MED12L: variants seen among roughly 807,000 people sequenced by gnomAD.
The protein encoded by MED12L is mediator complex subunit 12L, also known as mediator of RNA polymerase II transcription subunit 12-like protein.
MED12L carries 60 observed loss-of-function variants against 281.3 expected under a neutral mutation model. The ratio of observed to expected loss-of-function variants is 0.21; its 90% CI spans 0.17 to 0.26. The LOEUF is 0.26. MED12L is among the 10% of genes least tolerant of loss of function. The pLI, the probability that MED12L is intolerant of heterozygous loss-of-function variation, is 1.00. For synonymous variants in MED12L, 974 were observed against 987.2 expected, an observed-to-expected ratio of 0.99 and a Z score of 0.25; for missense variants, 2,146 against 2,680.9, an observed-to-expected ratio of 0.80 and a Z score of 4.41.
intron 16 of MED12L, among the ~76,000 whole-genome samples, chr3:151,194,004 T>C (rs1352924918): frequency 1.3e-5 from 2 of 150,662 alleles, no homozygotes; most frequent in Non-Finnish European, 1.5e-5. Context: ...TCATTCCTGT[T>C]GCCCAGGCTG....
chr3:151,380,433 C>T (rs1712060154), intron 32 of MED12L, among the ~76,000 whole-genome samples: 1 of 151,992 alleles, frequency 6.6e-6, no homozygotes, highest in Non-Finnish European at 1.5e-5. Context: ...CCCGTCTGTA[C>T]TAAAAATACA....
intron 5 of MED12L, among the ~76,000 whole-genome samples, 191 bp downstream of exon 5, chr3:151,128,175 G>A (rs577714957): frequency 6.6e-6 from 1 of 152,172 alleles, no homozygotes; most frequent in Admixed American, 6.6e-5. Flanking sequence ...CATTAGCAAG[G>A]GCTGTTGATC....
intron 8 of MED12L, among the ~76,000 whole-genome samples, chr3:151,160,311 T>C (rs550216709): frequency 6.6e-6 from 1 of 152,224 alleles, no homozygotes; most frequent in East Asian, 1.9e-4. Flanking sequence ...GAGAGTGTTA[T>C]TGCAGTTGTC....
intron 16 of MED12L, among the ~76,000 whole-genome samples, chr3:151,273,227 C>CTTTTTTTTT (rs63035061): frequency 1.9e-5 from 2 of 106,164 alleles, no homozygotes; most frequent in East Asian, 2.7e-4. Flanking sequence ...TTGTTGTGTT[C>CTTTTTTTTT]TTTTTTTTTT....
intron 36 of MED12L, among the ~76,000 whole-genome samples, chr3:151,386,387 CTTTG>C (rs559647455): frequency 2.2e-4 from 34 of 152,026 alleles, no homozygotes; most frequent in African/African-American, 7.2e-4. Context: ...TTTTGTTTTA[CTTTG>C]TTTATTTATA....
intron 17 of MED12L, 113 bp from the exon 18 acceptor site, chr3:151,355,008 A>G: frequency 1.3e-6 from 1 of 750,648 alleles, no homozygotes. Flanking sequence ...TGAAATTCAT[A>G]GAATTTGTGC....
chr3:151,095,524 G>A (rs1043423445), intron 2 of MED12L, among the ~76,000 whole-genome samples: 2 of 152,206 alleles, frequency 1.3e-5, no homozygotes, highest in East Asian at 1.9e-4. Context: ...TTTTAGTCGA[G>A]ATGGACTTTC....
At chr3:151,301,266 A>G (rs1269775843) in intron 16 of MED12L, among the ~76,000 whole-genome samples, 2 of 152,332 alleles carry the variant, frequency 1.3e-5, no homozygotes, top group African/African-American at 4.8e-5. Context: ...TAGACTTTAT[A>G]ATAATGATCT....
intron 43 of MED12L, among the ~76,000 whole-genome samples, chr3:151,419,319 C>T (rs926889660): frequency 1.3e-5 from 2 of 152,178 alleles, no homozygotes; most frequent in East Asian, 3.8e-4. Flanking sequence ...GGCTGAGGAG[C>T]AAGGAGAGCC....
chr3:151,165,009 A>G (rs1720513067), intron 9 of MED12L, among the ~76,000 whole-genome samples: 2 of 140,716 alleles, frequency 1.4e-5, no homozygotes, highest in Non-Finnish European at 3.1e-5. Flanking sequence ...TAATAAAAAT[A>G]AAATAAAATC....
At position 151,433,226 on chromosome 3, in the gene MED12L, T is replaced by C. The variant is rs1719733239; in HGVS notation, c.*422T>C. The C allele has an allele frequency of 6.5e-6, 1 of 154,938 alleles. No homozygotes were observed. The highest frequency in any genetic ancestry group is 2.0e-4 in the South Asian group (1 of 5,012). The allele number at this position is 154,938 out of a possible 1,614,324, so 9.6% of individuals were successfully genotyped here. Reference sequence around the variant, plus strand: ...TCCAAACTGTGCTGGACCAAACTACTGATTTGAAAGGCATGTCAGATCTTG... The same window carrying C: ...TCCAAACTGTGCTGGACCAAACTACCGATTTGAAAGGCATGTCAGATCTTG... On this transcript the variant is annotated 3_prime_UTR_variant, in exon 45 of 45. Transcript: ENST00000687756.
chr3:151,162,732 C>G (rs1720163164), intron 8 of MED12L, among the ~76,000 whole-genome samples: 1 of 152,132 alleles, frequency 6.6e-6, no homozygotes, highest in Admixed American at 6.5e-5. Flanking sequence ...AGCCACTGTG[C>G]CTGGCCAGCT....
intron 4 of MED12L, among the ~76,000 whole-genome samples, chr3:151,126,575 G>A (rs745364338): frequency 6.6e-6 from 1 of 152,116 alleles, no homozygotes; most frequent in Non-Finnish European, 1.5e-5. Context: ...GTGAGGATTT[G>A]GTTAAGAGAA....
intron 37 of MED12L, 104 bp downstream of exon 37, chr3:151,388,276 T>A: frequency 2.8e-6 from 4 of 1,414,684 alleles, no homozygotes; most frequent in Non-Finnish European, 3.8e-6. Flanking sequence ...GCAGGATAAG[T>A]TTTGTTATGA....
intron 23 of MED12L, among the ~76,000 whole-genome samples, chr3:151,367,223 C>T (rs1401802740): frequency 2.6e-5 from 4 of 152,164 alleles, no homozygotes; most frequent in Admixed American, 2.6e-4. Flanking sequence ...GAAAGGAACT[C>T]CAAAACCTTA....
intron 36 of MED12L, 67 bp downstream of exon 36, chr3:151,385,258 T>G (rs1713132251): frequency 1.2e-6 from 1 of 837,810 alleles, no homozygotes; most frequent in Admixed American, 2.9e-5. Context: ...TTTTTTGTCT[T>G]ACCATAGGAT....
chr3:151,125,479 G>A (rs1053180617), intron 4 of MED12L, among the ~76,000 whole-genome samples: 3 of 152,152 alleles, frequency 2.0e-5, no homozygotes, highest in Non-Finnish European at 4.4e-5. Flanking sequence ...TCTGCCAATT[G>A]TAGTTCAAAG....
chr3:151,242,687 G>A lies in MED12L; in HGVS notation c.2250+49021G>A, dbSNP rs185343939. On this transcript the variant is annotated intron_variant, in intron 16 of 44. Transcript: ENST00000687756. The stretch of plus-strand genomic sequence containing the variant: ...GGGGAAAAAACAGAACAGAAAAACT[G>A]GAAACTATAAAAAGAGAGCGCCTCT... Among the ~76,000 whole-genome samples the A allele has an allele frequency of 5.5e-3, 840 of 152,324 alleles. 31 individuals are homozygous for A. Among genetic ancestry groups the A allele is most frequent in the Admixed American group, 0.049 (751 of 15,298 alleles).
At chr3:151,099,021 C>T (rs931389176) in intron 2 of MED12L, among the ~76,000 whole-genome samples, 1 of 152,130 alleles carries the variant, frequency 6.6e-6, no homozygotes, top group Non-Finnish European at 1.5e-5. Context: ...AAACCATCAG[C>T]TCTCATGAGA....
Sources: gnomAD v4.1 joint callset for allele counts (sites outside exome capture counted in the v4.1 genomes callset) on GRCh38, gnomAD v4.1.1 for gene constraint, MANE v1.5 for transcripts, NCBI Gene and HGNC (gene_info 2026-07-23, HGNC 2026-07-21) for gene names.